Variants in BRSK1 observed in about 807,000 individuals in gnomAD.
The protein encoded by BRSK1 is BR serine/threonine kinase 1.
A neutral mutation model predicts 86.2 loss-of-function variants in BRSK1; 17 were observed. The ratio of observed to expected loss-of-function variants is 0.20; its 90% confidence interval spans 0.14 to 0.30. The LOEUF is 0.30. Among genes scored for constraint, BRSK1 ranks in the 10% least tolerant of loss-of-function variants. The pLI is 1.00. For synonymous variants in BRSK1, 464 were observed against 440.1 expected (o/e 1.05, Z -0.68); for missense variants, 719 against 1,071.9 (o/e 0.67, Z 4.60).
intron 18 of BRSK1, 48 bp from the exon 19 acceptor site, chr19:55,311,863 C>T: frequency 1.3e-6 from 2 of 1,596,150 alleles, no homozygotes; most frequent in South Asian, 2.3e-5. Context: ...AATGGGAACC[C>T]CAACCCTGGG....
chr19:55,311,685 G>A (rs2088799455), intron 18 of BRSK1, among the ~76,000 whole-genome samples: 1 of 152,180 alleles, frequency 6.6e-6, no homozygotes, highest in Non-Finnish European at 1.5e-5. Flanking sequence ...GGGGCATAGG[G>A]TGCAGCCCCC....
At position 55,302,930 on chromosome 19, in the gene BRSK1, G is replaced by C. The variant is rs2088593660; in HGVS notation, c.1028+63G>C. ...GGGGCGAGCTGCAGCAGCTCCCTGC[G>C]CACATGCAGAGTGCTGGGCGAGGAA... On this transcript the variant is annotated intron_variant, in intron 10 of 18. Coordinates refer to ENST00000309383, the MANE Select transcript of BRSK1 (RefSeq NM_032430.2). This position sits in a 1 kb window ranked among gnomAD's most constrained non-coding sequence, Gnocchi z 6.3. The C allele has an allele frequency of 1.3e-6, 2 of 1,565,714 alleles. No individual in the cohort carries two copies. Among genetic ancestry groups the C allele is most frequent in the South Asian group, 1.2e-5 (1 of 86,116 alleles).
intron 4 of BRSK1, among the ~76,000 whole-genome samples, chr19:55,292,946 T>C (rs1055396634): frequency 8.6e-5 from 13 of 151,884 alleles, no homozygotes; most frequent in Non-Finnish European, 1.2e-4. Flanking sequence ...AGGTCAAGGC[T>C]GCAGTGAGCT....
intron 1 of BRSK1, among the ~76,000 whole-genome samples, chr19:55,286,057 G>GA (rs1491462606): frequency 6.9e-5 from 8 of 116,628 alleles, no homozygotes; most frequent in Admixed American, 1.7e-4. Context: ...CTGGAGTGCT[G>GA]GGTCTGAGGG....
At position 55,306,332 on chromosome 19, in the gene BRSK1, C is replaced by T; in HGVS notation, c.1971C>T (p.Phe657=). 1 of 1,614,146 alleles carries T rather than the reference C, an allele frequency of 6.2e-7. No homozygotes were observed. The highest frequency in any genetic ancestry group is 8.5e-7 in the Non-Finnish European group (1 of 1,180,044). Residue 657 remains phenylalanine (F), a synonymous_variant, in exon 17 of 19, where the codon TTC becomes TTT. Coordinates refer to ENST00000309383, the MANE Select transcript of BRSK1 (RefSeq NM_032430.2). This position sits in a 1 kb window ranked among gnomAD's most constrained non-coding sequence, Gnocchi z 4.7. Reference sequence around the variant, plus strand: ...AGGCCAGTGGCGGCCCCTCCGTCTTCCAAAAGCCCGTCCGCTTCCAGGTGG... The same window carrying T: ...AGGCCAGTGGCGGCCCCTCCGTCTTTCAAAAGCCCGTCCGCTTCCAGGTGG... ...EYKASGGPSV[F]QKPVRFQVDI... is the part of the protein sequence containing the mutation.
chr19:55,308,801 GGGGGGCGTGGGTGGC>G (rs2088714399), intron 18 of BRSK1, 73 bp downstream of exon 18: 1 of 275,134 alleles, frequency 3.6e-6, no homozygotes, highest in Admixed American at 6.4e-5. Flanking sequence ...CGTGGGTGGC[GGGGGGCGTGGGTGGC>G]GGGGGGCGTG....
In BRSK1 at chr19:55,312,179, A is replaced by C; in HGVS notation, c.*111A>C. ...ACATGTCGGGAGGGGGGTGGACACAAAAACCGGCCTTGCCCTGCAGGGATG... is the reference window on the plus strand; with the variant it reads ...ACATGTCGGGAGGGGGGTGGACACACAAACCGGCCTTGCCCTGCAGGGATG... On this transcript the variant is annotated 3_prime_UTR_variant, in exon 19 of 19. Coordinates refer to ENST00000309383, the MANE Select transcript of BRSK1 (RefSeq NM_032430.2). The C allele has an allele frequency of 5.5e-6, 3 of 542,272 alleles. No homozygotes were observed. Among genetic ancestry groups the C allele is most frequent in the Non-Finnish European group, 9.6e-6 (3 of 313,802 alleles). The allele number at this position is 542,272 out of a possible 1,614,324, so 33.6% of individuals were successfully genotyped here. A position where few individuals can be genotyped will look rare whatever the true frequency, so the allele number is the denominator to read the frequency against.
Position 55,304,169 on chromosome 19 carries a change from A to C in BRSK1, c.1347+59A>C, listed in dbSNP as rs74695636. 2.1e-4 allele frequency: 311 copies of C among 1,496,266 alleles called. No homozygotes were observed. In the African/African-American group the frequency reaches 3.8e-3, roughly 18 times the overall value. The allele number at this position is 1,496,266 out of a possible 1,614,324, so 92.7% of individuals were successfully genotyped here. ...AGAAAGGGGTGGAGACATGGAGCAA[A>C]GATTGAGTAGCAGAAACTACAATTC... is the stretch of plus-strand genomic sequence containing the variant. On this transcript the variant is annotated intron_variant, in intron 13 of 18. Coordinates refer to ENST00000309383, the MANE Select transcript of BRSK1 (RefSeq NM_032430.2). This position sits in a 1 kb window ranked among gnomAD's most constrained non-coding sequence, Gnocchi z 5.2.
rs2088609714 is a variant in BRSK1, at chr19:55,304,010, C to G, written c.1287-40C>G. 6.4e-7 allele frequency: 1 copy of G among 1,570,312 alleles called. No individual in the cohort carries two copies. Among genetic ancestry groups the G allele is most frequent in the South Asian group, 1.2e-5 (1 of 85,570 alleles). On this transcript the variant is annotated intron_variant, in intron 12 of 18. Transcript: ENST00000309383. This position sits in a 1 kb window ranked among gnomAD's most constrained non-coding sequence, Gnocchi z 5.2. The stretch of plus-strand genomic sequence containing the variant: ...GAACATCTGTGGTTTTTGAAACCCT[C>G]CCATCTGATTTTTTTTTTTTAAATC...
rs552020399 is a variant in BRSK1, at chr19:55,302,574, G to C, written c.858-123G>C. 1 of 1,280,296 alleles carries C rather than the reference G, an allele frequency of 7.8e-7. No individual in the cohort carries two copies. The highest frequency in any genetic ancestry group is 2.2e-5 in the Admixed American group (1 of 44,762). The allele number at this position is 1,280,296 out of a possible 1,614,324, so 79.3% of individuals were successfully genotyped here. On this transcript the variant is annotated intron_variant, in intron 9 of 18. Transcript: ENST00000309383. The surrounding 1 kb of genome is among the most constrained non-coding windows in gnomAD (Gnocchi z 6.3). ...GAGGTCTGGGGCGTCTGGATTCCTG[G>C]GTATGAGAGAGAAGGGGCCGGGGCC... is the stretch of plus-strand genomic sequence containing the variant.
intron 16 of BRSK1, 73 bp downstream of exon 16, chr19:55,305,659 A>G: frequency 1.3e-6 from 2 of 1,598,006 alleles, no homozygotes; most frequent in East Asian, 2.2e-5. Flanking sequence ...GGGGCTAACC[A>G]CCTTAGCATA....
intron 3 of BRSK1, among the ~76,000 whole-genome samples, chr19:55,288,953 T>C (rs568179253): frequency 5.9e-5 from 9 of 152,294 alleles, no homozygotes; most frequent in Admixed American, 4.6e-4. Context: ...GAAGCTGGCT[T>C]GGACTGGTGC....
chr19:55,289,644 G>A (rs146603066), intron 4 of BRSK1, 24 bp downstream of exon 4: 18 of 1,611,736 alleles, frequency 1.1e-5, no homozygotes, highest in Middle Eastern at 1.7e-4. Context: ...TTGAGGGGGA[G>A]GAGGGGCTGA....
intron 7 of BRSK1, among the ~76,000 whole-genome samples, chr19:55,295,559 T>A (rs2122956903): frequency 6.6e-6 from 1 of 152,282 alleles, no homozygotes. Context: ...AAAAGAACTA[T>A]GGGATAGTCT....
rs2088596884 is a variant in BRSK1 at position 55,303,130 on chromosome 19, T to C, written c.1029-181T>C. 1.6e-6 allele frequency: 1 copy of C among 641,676 alleles called. No individual in the cohort carries two copies. The highest frequency in any genetic ancestry group is 2.7e-6 in the Non-Finnish European group (1 of 373,186). The allele number at this position is 641,676 out of a possible 1,614,324, so 39.7% of individuals were successfully genotyped here. A position where few individuals can be genotyped will look rare whatever the true frequency, so the allele number is the denominator to read the frequency against. Reference sequence around the variant, plus strand: ...CTGGATGTTAGGTGTTACAGTGTTATTATAATTGAGTGAAACACAGCTGAG... The same window carrying C: ...CTGGATGTTAGGTGTTACAGTGTTACTATAATTGAGTGAAACACAGCTGAG... On this transcript the variant is annotated intron_variant, in intron 10 of 18. Transcript: ENST00000309383. The surrounding 1 kb of genome is among the most constrained non-coding windows in gnomAD (Gnocchi z 5.1).
In BRSK1 at chr19:55,310,820, A is replaced by G. The variant is rs1441082877; in HGVS notation, c.2180-1091A>G. Among the ~76,000 whole-genome samples the G allele has an allele frequency of 2.0e-5, 3 of 152,166 alleles. No individual in the cohort carries two copies. Among genetic ancestry groups the G allele is most frequent in the Non-Finnish European group, 2.9e-5 (2 of 68,038 alleles). On this transcript the variant is annotated intron_variant, in intron 18 of 18. Transcript: ENST00000309383. The surrounding 1 kb of genome is among the most constrained non-coding windows in gnomAD (Gnocchi z 5.0). ...CCGAGGAAAGCTGGCCTCAGCAACC[A>G]GGGGTCTCAAAACGGGCACACCCTG...
At chr19:55,284,721 C>G (rs1237746040) in intron 1 of BRSK1, 143 bp downstream of exon 1, 1 of 670,764 alleles carries the variant, frequency 1.5e-6, no homozygotes, top group Non-Finnish European at 2.1e-6. Context: ...GATTCAGACT[C>G]CTGGGTCCCT....
At chr19:55,301,757 C>T in intron 8 of BRSK1, 99 bp downstream of exon 8, 1 of 1,399,630 alleles carries the variant, frequency 7.1e-7, no homozygotes, top group South Asian at 1.3e-5. Context: ...ACCTGCTCGT[C>T]AGTCCCCAGG....
rs1386779591 is a variant in BRSK1 at position 55,304,401 on chromosome 19, CT to C, written c.1348-148del. 6 of 1,054,108 alleles carry C rather than the reference CT, an allele frequency of 5.7e-6. No homozygotes were observed. The highest frequency in any genetic ancestry group is 6.6e-6 in the Non-Finnish European group (5 of 755,570). The allele number at this position is 1,054,108 out of a possible 1,614,324, so 65.3% of individuals were successfully genotyped here. On this transcript the variant is annotated intron_variant, in intron 13 of 18. Transcript: ENST00000309383. The surrounding 1 kb of genome is among the most constrained non-coding windows in gnomAD (Gnocchi z 5.2). ...AGCATGATAGAAAGTCTTTGCTATC[CT>C]TGCTCTGGGGCCTGGGAAGGAGGAT...
Sources: allele counts gnomAD v4.1 joint callset (sites outside exome capture counted in the v4.1 genomes callset), GRCh38; gene constraint gnomAD v4.1.1; non-coding constraint Gnocchi (gnomAD v3.1); transcripts MANE v1.5; gene names NCBI Gene and HGNC (gene_info 2026-07-23, HGNC 2026-07-21).